Variants in ATG13 observed in about 807,000 individuals in gnomAD.
The protein encoded by ATG13 is autophagy-related protein 13.
A neutral mutation model predicts 65.5 loss-of-function variants in ATG13; 23 were observed. The ratio of observed to expected loss-of-function variants is 0.35; its 90% confidence interval spans 0.25 to 0.50. ATG13 has a LOEUF of 0.50. Among genes scored for constraint, ATG13 ranks in the 20% least tolerant of loss-of-function variants. The pLI, the probability that ATG13 is intolerant of heterozygous loss-of-function variation, is 0.98. For missense variants in ATG13, 566 were observed against 677.0 expected, an observed-to-expected ratio of 0.84 and a Z score of 1.82; for synonymous variants, 252 against 245.2, an observed-to-expected ratio of 1.03 and a Z score of -0.26.
At position 46,672,809 on chromosome 11, in the gene ATG13, G is replaced by A; in HGVS notation, c.*477G>A. 1 of 1,313,614 alleles carries A rather than the reference G, an allele frequency of 7.6e-7. No individual in the cohort carries two copies. Among genetic ancestry groups the A allele is most frequent in the Non-Finnish European group, 1.0e-6 (1 of 1,002,014 alleles). The allele number at this position is 1,313,614 out of a possible 1,614,324, so 81.4% of individuals were successfully genotyped here. On this transcript the variant is annotated 3_prime_UTR_variant, in exon 19 of 19. Transcript: ENST00000683050. ...CAGTGCCAGGAGGAAGAAGGAAGGA[G>A]TCCCTTAGCTCTCTTCATTGTCCCC...
Position 46,657,613 on chromosome 11 carries a change from G to A in ATG13, c.686G>A (p.Cys229Tyr). ...PYPSSSPMHP[C>Y]NYRTAGEDTG... ...CCCAGCTCCTCTCCCATGCACCCCT[G>A]CAATTACAGGTGAGGAATGTGAAAA... The change falls in exon 10 of 19, where the codon TGC (cysteine) becomes TAC (tyrosine). Residue 229 changes from cysteine (C) to tyrosine (Y), a missense_variant. Physicochemically the swap from Cys to Tyr is radical, Grantham distance 194. Around this residue, in one of 2 missense-constraint regions of ATG13, gnomAD observed 387 missense variants for 409.8 expected, o/e 0.94. Transcript: ENST00000683050. The A allele has an allele frequency of 6.2e-7, 1 of 1,600,018 alleles. No homozygotes were observed. Among genetic ancestry groups the A allele is most frequent in the Admixed American group, 1.7e-5 (1 of 57,754 alleles).
At chr11:46,649,257 G>T in intron 6 of ATG13, 74 bp downstream of exon 6, 1 of 1,530,588 alleles carries the variant, frequency 6.5e-7, no homozygotes. Flanking sequence ...GAAAAGCAGG[G>T]CTTTGTTTTC....
rs760816046 is a variant in ATG13 at position 46,668,606 on chromosome 11, G to A, written c.1329+30G>A. The A allele has an allele frequency of 2.5e-6, 4 of 1,601,144 alleles. No individual in the cohort carries two copies. The Admixed American group carries it at 6.7e-5, about 27-fold the overall frequency. ...GCCCACCGTTGACTACGAGTTCCCA[G>A]TAGATGGTGCGCTAGTCATTGTTCT... On this transcript the variant is annotated intron_variant, in intron 16 of 18. Coordinates refer to ENST00000683050, the MANE Select transcript of ATG13 (RefSeq NM_001346311.2).
At chr11:46,620,503 C>T (rs917150975) in intron 1 of ATG13, among the ~76,000 whole-genome samples, 10 of 151,822 alleles carry the variant, frequency 6.6e-5, no homozygotes, top group African/African-American at 1.9e-4. Context: ...GGGCTGGGCG[C>T]GGTTGCTCAC....
In ATG13 at chr11:46,669,080, A is replaced by C. The variant is rs74397628; in HGVS notation, c.1446+170A>C. Among the ~76,000 whole-genome samples, 22 of 152,324 alleles carry C rather than the reference A, an allele frequency of 1.4e-4. No homozygotes were observed. The East Asian group carries it at 4.1e-3, about 28-fold the overall frequency. On this transcript the variant is annotated intron_variant, in intron 17 of 18. Transcript: ENST00000683050. ...GGAGACATTTTGGAGGCCGATAAAC[A>C]ACAAGGCATTTTTTGTCATGCCTTT...
chr11:46,653,718 C>T (rs1446675279), intron 7 of ATG13, among the ~76,000 whole-genome samples: 4 of 151,892 alleles, frequency 2.6e-5, no homozygotes, highest in African/African-American at 4.8e-5. Flanking sequence ...TACAGGCACC[C>T]GCCACCACGC....
chr11:46,659,508 G>C (rs746684449), intron 11 of ATG13, 23 bp downstream of exon 11: 2 of 1,579,136 alleles, frequency 1.3e-6, no homozygotes, highest in Admixed American at 3.3e-5. Flanking sequence ...AGGTTCTGGG[G>C]TGGTGGTAGT....
rs564529928 is a variant in ATG13 at position 46,671,379 on chromosome 11, C to T, written c.1576-876C>T. Among the ~76,000 whole-genome samples, 6 of 152,308 alleles carry T rather than the reference C, an allele frequency of 3.9e-5. No homozygotes were observed. The South Asian group carries it at 1.2e-3, about 32-fold the overall frequency. Reference sequence around the variant, plus strand: ...TTAAACTTCTCACAGTTCTGTTTTCCTCTGCTTCTGTCTTTACCATTCTCT... The same window carrying T: ...TTAAACTTCTCACAGTTCTGTTTTCTTCTGCTTCTGTCTTTACCATTCTCT... On this transcript the variant is annotated intron_variant, in intron 18 of 18. Transcript: ENST00000683050.
chr11:46,669,570 T>G, intron 18 of ATG13, 38 bp downstream of exon 18: 2 of 1,608,246 alleles, frequency 1.2e-6, no homozygotes, highest in African/African-American at 1.3e-5. Context: ...TGCATCCTTA[T>G]TTGATGGTCA....
In ATG13 at chr11:46,664,072, G is replaced by A. The variant is rs1380542124; in HGVS notation, c.865G>A (p.Ala289Thr). 2 of 1,596,926 alleles carry A rather than the reference G, an allele frequency of 1.3e-6. No individual in the cohort carries two copies. Among genetic ancestry groups the A allele is most frequent in the Non-Finnish European group, 1.7e-6 (2 of 1,179,408 alleles). ...VVTDTLRVPM[A>T]GLAFSHQLSS... ...GACGGACACCCTGAGGGTCCCCATGGCAGGACTGGCCTTTTCCCATCAAGT... is the reference window on the plus strand; with the variant it reads ...GACGGACACCCTGAGGGTCCCCATGACAGGACTGGCCTTTTCCCATCAAGT... The change falls in exon 12 of 19, where the codon GCA (alanine) becomes ACA (threonine). Residue 289 changes from alanine (A) to threonine (T), a missense_variant. Physicochemically the swap from Ala to Thr is moderately conservative, Grantham distance 58. This residue lies in a region of ATG13 where 387 missense variants were observed against 409.8 expected (regional missense o/e 0.94). Coordinates refer to ENST00000683050, the MANE Select transcript of ATG13 (RefSeq NM_001346311.2).
chr11:46,649,190 G>A lies in ATG13; in HGVS notation c.317+7G>A, dbSNP rs766526438. 2 of 1,612,972 alleles carry A rather than the reference G, an allele frequency of 1.2e-6. No homozygotes were observed. Among genetic ancestry groups the A allele is most frequent in the South Asian group, 2.2e-5 (2 of 90,896 alleles). On this transcript the variant is annotated splice_region_variant and intron_variant, in intron 6 of 18. Transcript: ENST00000683050. Reference sequence around the variant, plus strand: ...GTCTTGAAATGAATGAAAAGTAAGTGCTGCGTCTTAGGGTCCTTGGTTGTG... The same window carrying A: ...GTCTTGAAATGAATGAAAAGTAAGTACTGCGTCTTAGGGTCCTTGGTTGTG...
intron 11 of ATG13, among the ~76,000 whole-genome samples, chr11:46,662,436 T>C (rs1162760150): frequency 6.6e-6 from 1 of 152,188 alleles, no homozygotes; most frequent in Non-Finnish European, 1.5e-5. Context: ...AATGGAAGTT[T>C]AGTAGTTTCT....
rs750423536 is a variant in ATG13 at position 46,645,363 on chromosome 11, C to T, written c.94C>T (p.Arg32Trp). The T allele has an allele frequency of 4.3e-6, 7 of 1,613,454 alleles. No individual in the cohort carries two copies. Among genetic ancestry groups the T allele is most frequent in the African/African-American group, 2.7e-5 (2 of 74,814 alleles). ...GACTGTCCAAGTGATTGTCCAGGCT[C>T]GGCTTGGTGAAAAGATTTGCACTCG... The part of the protein sequence containing the change: ...LKTVQVIVQA[R>W]LGEKICTRSS... The change falls in exon 4 of 19, where the codon CGG (arginine) becomes TGG (tryptophan). Residue 32 changes from arginine (R) to tryptophan (W), a missense_variant. By Grantham distance (101) the Arg-to-Trp change is moderately radical (BLOSUM62 -3). Coordinates refer to ENST00000683050, the MANE Select transcript of ATG13 (RefSeq NM_001346311.2).
intron 1 of ATG13, among the ~76,000 whole-genome samples, chr11:46,621,451 C>G (rs2047478691): frequency 6.6e-6 from 1 of 152,168 alleles, no homozygotes; most frequent in Non-Finnish European, 1.5e-5. Flanking sequence ...GGATTCAGAA[C>G]TGTGAAAGCT....
At chr11:46,629,371 T>G (rs1344167185) in intron 1 of ATG13, among the ~76,000 whole-genome samples, 1 of 152,140 alleles carries the variant, frequency 6.6e-6, no homozygotes, top group African/African-American at 2.4e-5. Flanking sequence ...ATTCATCTAT[T>G]TGTGTTCACA....
At position 46,633,003 on chromosome 11, in the gene ATG13, A is replaced by AT. The variant is rs1555065599; in HGVS notation, c.-14+2903_-14+2904insT. 6.7e-3 allele frequency among the ~76,000 whole-genome samples: 599 copies of AT among 89,030 alleles called. 6 individuals are homozygous for AT. Among genetic ancestry groups the AT allele is most frequent in the Non-Finnish European group, 9.7e-3 (433 of 44,520 alleles). The allele number at this position is 89,030 out of a possible 152,430, so 58.4% of individuals were successfully genotyped here. On this transcript the variant is annotated intron_variant, in intron 2 of 18. Coordinates refer to ENST00000683050, the MANE Select transcript of ATG13 (RefSeq NM_001346311.2). ...CAGAGCAAGACCCCCATTAAAAAAA[A>AT]ATATATATATATATATATATATATT...
intron 1 of ATG13, among the ~76,000 whole-genome samples, chr11:46,626,254 C>A (rs1023676364): frequency 9.9e-5 from 15 of 151,658 alleles, no homozygotes; most frequent in African/African-American, 3.4e-4. Context: ...CGCACTTGGC[C>A]TCTTTTGTTT....
intron 7 of ATG13, among the ~76,000 whole-genome samples, chr11:46,653,861 G>A (rs189206155): frequency 2.0e-5 from 3 of 152,198 alleles, no homozygotes; most frequent in South Asian, 2.1e-4. Context: ...GAGCCACCGC[G>A]CCTGGCGAAG....
intron 11 of ATG13, 47 bp from the exon 12 acceptor site, chr11:46,663,950 T>TTTTTTTTTTTTTTTTTTTTTTC: frequency 1.8e-6 from 2 of 1,101,602 alleles, no homozygotes; most frequent in East Asian, 2.9e-5. Context: ...CTTTTCTTTT[T>TTTTTTTTTTTTTTTTTTTTTTC]TTTTTTTTTT....
Sources: allele counts gnomAD v4.1 joint callset (sites outside exome capture counted in the v4.1 genomes callset), GRCh38; gene constraint gnomAD v4.1.1; regional missense constraint gnomAD v4.1.1; transcripts MANE v1.5; gene names NCBI Gene and HGNC (gene_info 2026-07-23, HGNC 2026-07-21).